COPS4: variants seen among roughly 807,000 people sequenced by gnomAD.
The protein encoded by COPS4 is COP9 signalosome subunit 4.
A neutral mutation model predicts 55.1 loss-of-function variants in COPS4; 8 were observed. The observed-to-expected ratio is 0.15, with a 90% CI of 0.09 to 0.26. The LOEUF (loss-of-function observed/expected upper bound fraction) is 0.26, where lower values mean the gene tolerates loss of function less well. Among genes scored for constraint, COPS4 ranks in the 10% least tolerant of loss-of-function variants. The pLI, the probability that COPS4 is intolerant of heterozygous loss-of-function variation, is 1.00. For missense variants in COPS4, 248 were observed against 484.0 expected, an observed-to-expected ratio of 0.51 and a Z score of 4.58; for synonymous variants, 185 against 165.7, an observed-to-expected ratio of 1.12 and a Z score of -0.90.
intron 6 of COPS4, among the ~76,000 whole-genome samples, chr4:83,057,786 G>T (rs1327689196): frequency 6.6e-6 from 1 of 151,848 alleles, no homozygotes; most frequent in Non-Finnish European, 1.5e-5. Flanking sequence ...GCCGGGCGTG[G>T]TGGCAGGCGC....
chr4:83,063,324 A>G, intron 7 of COPS4, 78 bp downstream of exon 7: 8 of 918,342 alleles, frequency 8.7e-6, no homozygotes, highest in South Asian at 4.0e-5. Flanking sequence ...AATTAGAAGT[A>G]TCTTTTAATA....
intron 2 of COPS4, among the ~76,000 whole-genome samples, chr4:83,046,170 A>C (rs1364735405): frequency 6.6e-6 from 1 of 152,076 alleles, no homozygotes; most frequent in East Asian, 1.9e-4. Context: ...TCAATGTTTT[A>C]ATGGGGTTGT....
rs189146824 is a variant in COPS4, at chr4:83,056,521, G to A, written c.411-405G>A. Among the ~76,000 whole-genome samples, 275 of 152,244 alleles carry A rather than the reference G, an allele frequency of 1.8e-3. 1 individual carries two copies. Among genetic ancestry groups the A allele is most frequent in the African/African-American group, 5.7e-3 (238 of 41,532 alleles). On this transcript the variant is annotated intron_variant, in intron 4 of 9. Transcript: ENST00000264389. ...GCAGTAAAAAGTTTGATTCCCGGCC[G>A]GGGGCAGTGGCTCACGCCTGTAATC...
Position 83,075,292 on chromosome 4 carries a change from C to T in COPS4, c.1088-5C>T. On this transcript the variant is annotated splice_region_variant and splice_polypyrimidine_tract_variant and intron_variant, in intron 9 of 9. Transcript: ENST00000264389. ...TTTAATTTTGTACATTTTTTTTCCC[C>T]TTAGCACGAGAAGCCCTGCCAACGT... 1 of 1,610,916 alleles carries T rather than the reference C, an allele frequency of 6.2e-7. No homozygotes were observed. Among genetic ancestry groups the T allele is most frequent in the Non-Finnish European group, 8.5e-7 (1 of 1,179,036 alleles).
At chr4:83,071,776 A>G (rs1056441415) in intron 9 of COPS4, among the ~76,000 whole-genome samples, 1 of 151,798 alleles carries the variant, frequency 6.6e-6, no homozygotes, top group Non-Finnish European at 1.5e-5. Context: ...CAGTGGCGCA[A>G]TCTCGGCTCA....
At chr4:83,065,415 G>A (rs968396671) in intron 7 of COPS4, among the ~76,000 whole-genome samples, 2 of 152,212 alleles carry the variant, frequency 1.3e-5, no homozygotes, top group Non-Finnish European at 1.5e-5. Flanking sequence ...GGTAGACTGG[G>A]AGATAGGAGT....
chr4:83,045,361 C>A (rs1287258678), intron 1 of COPS4, among the ~76,000 whole-genome samples: 3 of 152,048 alleles, frequency 2.0e-5, no homozygotes, highest in South Asian at 4.1e-4. Context: ...TTCATTCTTT[C>A]TTGTGATGAG....
chr4:83,042,516 A>G lies in COPS4; in HGVS notation c.75-3110A>G, dbSNP rs912143844. Among the ~76,000 whole-genome samples, 12 of 121,436 alleles carry G rather than the reference A, an allele frequency of 9.9e-5. No individual in the cohort carries two copies. The South Asian group carries it at 2.9e-3, about 30-fold the overall frequency. 79.7% of individuals were successfully genotyped at this position (121,436 alleles called of 152,430 possible). On this transcript the variant is annotated intron_variant, in intron 1 of 9. Coordinates refer to ENST00000264389, the MANE Select transcript of COPS4 (RefSeq NM_016129.3). The stretch of plus-strand genomic sequence containing the variant: ...TGTACCTCACTTTTTTTAATTAATT[A>G]ATTTTTTTTTTTTTTTGAGACAAGG...
At position 83,035,232 on chromosome 4, in the gene COPS4, C is replaced by T. The variant is rs770489427; in HGVS notation, c.8C>T (p.Ala3Val). 8 of 1,569,002 alleles carry T rather than the reference C, an allele frequency of 5.1e-6. No individual in the cohort carries two copies. The highest frequency in any genetic ancestry group is 6.9e-6 in the Non-Finnish European group (8 of 1,151,320). The change falls in exon 1 of 10, where the codon GCA (alanine) becomes GTA (valine). Residue 3 changes from alanine (A) to valine (V), a missense_variant. Physicochemically the swap from Ala to Val is moderately conservative, Grantham distance 64. Around this residue, in one of 4 missense-constraint regions of COPS4, gnomAD observed 55 missense variants for 62.8 expected, o/e 0.88. Coordinates refer to ENST00000264389, the MANE Select transcript of COPS4 (RefSeq NM_016129.3). Reference protein sequence around the residue: MAAAVRQDLAQLM... With the variant: MAVAVRQDLAQLM... ...CGCTGAGCTGGGAGAAAGATGGCGG[C>T]AGCCGTGCGACAGGATTTGGCCCAG...
At chr4:83,046,621 T>C (rs1730727326) in intron 2 of COPS4, among the ~76,000 whole-genome samples, 1 of 152,216 alleles carries the variant, frequency 6.6e-6, no homozygotes, top group Non-Finnish European at 1.5e-5. Context: ...AATACAATCA[T>C]GTCCTGTGCA....
intron 7 of COPS4, 69 bp downstream of exon 7, chr4:83,063,315 A>C: frequency 9.7e-7 from 1 of 1,026,276 alleles, no homozygotes; most frequent in South Asian, 1.9e-5. Context: ...ATCATGTTAA[A>C]TTAGAAGTAT....
chr4:83,052,297 A>G (rs1277741327), intron 4 of COPS4, among the ~76,000 whole-genome samples: 1 of 152,144 alleles, frequency 6.6e-6, no homozygotes, highest in African/African-American at 2.4e-5. Flanking sequence ...AATTGGGGAG[A>G]GGATTCTTGC....
intron 1 of COPS4, among the ~76,000 whole-genome samples, chr4:83,039,158 G>A (rs1032023295): frequency 1.3e-5 from 2 of 152,058 alleles, no homozygotes; most frequent in African/African-American, 4.8e-5. Flanking sequence ...TCTGCTCCAC[G>A]TGGTCTTGGT....
chr4:83,051,608 A>G (rs982750965), intron 4 of COPS4, among the ~76,000 whole-genome samples: 1 of 152,164 alleles, frequency 6.6e-6, no homozygotes, highest in Admixed American at 6.6e-5. Flanking sequence ...GTGGGGAAGA[A>G]TAGGTTTGTA....
At chr4:83,057,186 C>CTGTTT (rs1029379619) in intron 5 of COPS4, 72 bp from the exon 6 acceptor site, 149 of 1,511,542 alleles carry the variant, frequency 9.9e-5, no homozygotes, top group East Asian at 2.7e-4. Flanking sequence ...AATTGTTTCT[C>CTGTTT]TGTTTTGTTT....
chr4:83,052,141 T>G (rs151237092), intron 4 of COPS4, among the ~76,000 whole-genome samples: 68 of 152,140 alleles, frequency 4.5e-4, no homozygotes, highest in African/African-American at 1.2e-3. Flanking sequence ...AGAGAAGATG[T>G]GGAGATAGTG....
chr4:83,068,046 C>T (rs1438783788), intron 8 of COPS4, among the ~76,000 whole-genome samples: 5 of 152,118 alleles, frequency 3.3e-5, no homozygotes, highest in African/African-American at 1.2e-4. Context: ...TCACCATCTA[C>T]CTTTCAATTT....
In COPS4 at chr4:83,035,197, CCG is replaced by C; in HGVS notation, c.-26_-25del. The C allele has an allele frequency of 6.5e-7, 1 of 1,538,962 alleles. No homozygotes were observed. The highest frequency in any genetic ancestry group is 8.8e-7 in the Non-Finnish European group (1 of 1,131,878). On this transcript the variant is annotated 5_prime_UTR_variant, in exon 1 of 10. Transcript: ENST00000264389. ...TTTTCTTTTTGGCTGCCAGAGGCCC[CCG>C]CATCCACCGCTGAGCTGGGAGAAAG...
intron 6 of COPS4, among the ~76,000 whole-genome samples, chr4:83,059,639 A>AT (rs1255527288): frequency 2.0e-5 from 3 of 151,574 alleles, no homozygotes; most frequent in South Asian, 2.1e-4. Context: ...TATGTTTAAA[A>AT]TTTTTTTTCA....
Sources: gnomAD v4.1 joint callset for allele counts (sites outside exome capture counted in the v4.1 genomes callset) on GRCh38, gnomAD v4.1.1 for gene constraint, gnomAD v4.1.1 regional missense constraint, MANE v1.5 for transcripts, NCBI Gene and HGNC (gene_info 2026-07-23, HGNC 2026-07-21) for gene names.